The following CDH4 variants were observed in gnomAD, a reference collection of about 807,000 sequenced individuals.
CDH4 encodes cadherin 4, also known as cadherin-4.
Under a neutral mutation model 86.0 loss-of-function variants are expected in CDH4, and 33 were observed. The observed-to-expected ratio is 0.38, with a 90% CI of 0.29 to 0.51. The LOEUF (loss-of-function observed/expected upper bound fraction) is 0.51. CDH4 is among the 20% of genes least tolerant of loss of function. The pLI, the probability that CDH4 is intolerant of heterozygous loss-of-function variation, is 0.86. For synonymous variants in CDH4, 555 were observed against 549.4 expected (o/e 1.01, Z -0.14); for missense variants, 1,114 against 1,307.4 (o/e 0.85, Z 2.28).
At chr20:61,272,628 C>T (rs2084189142) in intron 2 of CDH4, among the ~76,000 whole-genome samples, 1 of 152,152 alleles carries the variant, frequency 6.6e-6, no homozygotes, top group African/African-American at 2.4e-5. Context: ...GTGATAAATG[C>T]CCAGTTTAGG....
chr20:61,388,858 G>A (rs555321759), intron 2 of CDH4, among the ~76,000 whole-genome samples: 5 of 152,186 alleles, frequency 3.3e-5, no homozygotes, highest in African/African-American at 7.2e-5. Flanking sequence ...CAATTATGCC[G>A]TTGTGTGAGC....
chr20:61,923,833 C>A, intron 10 of CDH4, 129 bp downstream of exon 10: 1 of 1,163,786 alleles, frequency 8.6e-7, no homozygotes, highest in Non-Finnish European at 1.2e-6. Flanking sequence ...CATCTCCAAC[C>A]TAAGGCGTCC....
rs1214978128 is a variant in CDH4 at position 61,501,741 on chromosome 20, C to T, written c.170-241822C>T. ...ACAAGCACCACCCCGCCACTGCCTC[C>T]ACCATTCGTTAGGGAGCCACTCATT... On this transcript the variant is annotated intron_variant, in intron 2 of 15. Transcript: ENST00000614565. The surrounding 1 kb of genome is among the most constrained non-coding windows in gnomAD (Gnocchi z 4.2). Among the ~76,000 whole-genome samples the T allele has an allele frequency of 6.6e-6, 1 of 152,168 alleles. No individual in the cohort carries two copies. Among genetic ancestry groups the T allele is most frequent in the Non-Finnish European group, 1.5e-5 (1 of 68,030 alleles).
chr20:61,608,095 A>C (rs2247209), intron 2 of CDH4, among the ~76,000 whole-genome samples: 149,625 of 152,078 alleles, frequency 0.98, 73,621 homozygotes, highest in East Asian at 1. Context: ...TCGCCCCCAG[A>C]CCCCAGGGTG....
chr20:61,723,268 G>A (rs544978103), intron 2 of CDH4, among the ~76,000 whole-genome samples: 66 of 152,306 alleles, frequency 4.3e-4, no homozygotes, highest in African/African-American at 1.5e-3. Context: ...CCCTGCCCAA[G>A]GGCAGCCTCA....
intron 5 of CDH4, among the ~76,000 whole-genome samples, chr20:61,846,790 C>T (rs975922864): frequency 2.6e-5 from 4 of 152,264 alleles, no homozygotes; most frequent in South Asian, 4.2e-4. Context: ...AGACTTGGAG[C>T]GGGGTCAGCC....
chr20:61,771,578 C>T (rs2088776283), intron 3 of CDH4, among the ~76,000 whole-genome samples: 1 of 141,630 alleles, frequency 7.1e-6, no homozygotes, highest in Non-Finnish European at 1.5e-5. Context: ...GAGCCAAGAT[C>T]GTATCACTGC....
At chr20:61,730,880 C>T (rs944244) in intron 2 of CDH4, among the ~76,000 whole-genome samples, 98,495 of 150,110 alleles carry the variant, frequency 0.66, 32,728 homozygotes, top group East Asian at 0.83. Flanking sequence ...ATGCAGGCAG[C>T]GGGCTGAGCT....
At chr20:61,587,590 A>T (rs934752418) in intron 2 of CDH4, among the ~76,000 whole-genome samples, 1 of 151,828 alleles carries the variant, frequency 6.6e-6, no homozygotes, top group African/African-American at 2.4e-5. Context: ...AAATGATTCC[A>T]TTTTGACTCC....
At chr20:61,539,687 G>T (rs1448375598) in intron 2 of CDH4, among the ~76,000 whole-genome samples, 1 of 152,218 alleles carries the variant, frequency 6.6e-6, no homozygotes, top group Non-Finnish European at 1.5e-5. Context: ...AGCACAGTCT[G>T]CCCTGGGCAG....
chr20:61,295,844 TC>T (rs1041182851), intron 2 of CDH4, among the ~76,000 whole-genome samples: 2 of 152,176 alleles, frequency 1.3e-5, no homozygotes, highest in African/African-American at 4.8e-5. Context: ...GCAGGGTGTG[TC>T]CTGGGGTCCC....
chr20:61,378,933 G>A (rs921899341), intron 2 of CDH4, among the ~76,000 whole-genome samples: 1 of 152,202 alleles, frequency 6.6e-6, no homozygotes, highest in African/African-American at 2.4e-5. Context: ...GTCCACAGAT[G>A]TTAAGCATCC....
chr20:61,396,268 G>C (rs146069913), intron 2 of CDH4, among the ~76,000 whole-genome samples: 41 of 152,232 alleles, frequency 2.7e-4, no homozygotes, highest in African/African-American at 9.1e-4. Context: ...TACCATCCTG[G>C]CTACATCGGA....
intron 4 of CDH4, among the ~76,000 whole-genome samples, chr20:61,775,540 G>C (rs995129610): frequency 1.3e-5 from 2 of 152,186 alleles, no homozygotes; most frequent in East Asian, 3.8e-4. Flanking sequence ...CAACTAACAG[G>C]TTGGCCGTGT....
intron 11 of CDH4, among the ~76,000 whole-genome samples, chr20:61,926,481 G>A (rs910743993): frequency 8.6e-4 from 131 of 152,352 alleles, no homozygotes; most frequent in African/African-American, 2.5e-3. Flanking sequence ...CTGTGCAGCT[G>A]TGCAGCTGCC....
At chr20:61,677,475 A>G (rs6089468) in intron 2 of CDH4, among the ~76,000 whole-genome samples, 93,933 of 152,078 alleles carry the variant, frequency 0.62, 29,330 homozygotes, top group African/African-American at 0.69. Flanking sequence ...GTTGGTGTCA[A>G]TGTATAGACC....
At chr20:61,716,591 C>A (rs1011753353) in intron 2 of CDH4, among the ~76,000 whole-genome samples, 1 of 152,186 alleles carries the variant, frequency 6.6e-6, no homozygotes, top group South Asian at 2.1e-4. Flanking sequence ...AAGAAAGACT[C>A]ACCAAAGCCC....
intron 6 of CDH4, among the ~76,000 whole-genome samples, chr20:61,869,350 T>C (rs530946051): frequency 3.9e-5 from 6 of 152,212 alleles, no homozygotes; most frequent in African/African-American, 1.4e-4. Context: ...GCTGGACGCA[T>C]CCTCTCAGGC....
chr20:61,583,897 A>G (rs905241690), intron 2 of CDH4, among the ~76,000 whole-genome samples: 1 of 152,128 alleles, frequency 6.6e-6, no homozygotes, highest in Non-Finnish European at 1.5e-5. Context: ...GGTGGCTCAC[A>G]CCTGTAATCC....
Sources: gnomAD v4.1 joint callset for allele counts (sites outside exome capture counted in the v4.1 genomes callset) on GRCh38, gnomAD v4.1.1 for gene constraint, Gnocchi (gnomAD v3.1) non-coding constraint, MANE v1.5 for transcripts, NCBI Gene and HGNC (gene_info 2026-07-23, HGNC 2026-07-21) for gene names.